CFHR2: variants seen among roughly 807,000 people sequenced by gnomAD.
CFHR2 encodes complement factor H related 2.
Under a neutral mutation model 21.7 loss-of-function variants are expected in CFHR2, and 22 were observed. The observed-to-expected ratio is 1.01, with a 90% CI of 0.72 to 1.45. The LOEUF (loss-of-function observed/expected upper bound fraction) is 1.45, where lower values mean the gene tolerates loss of function less well. CFHR2 is among the 40% of genes most tolerant of loss of function. CFHR2 has a pLI of 0.00. For synonymous variants in CFHR2, 98 were observed against 97.4 expected, an observed-to-expected ratio of 1.01 and a Z score of -0.04; for missense variants, 294 against 293.3, an observed-to-expected ratio of 1.00 and a Z score of -0.02.
At chr1:196,954,653 CA>C (rs1212388830) in intron 3 of CFHR2, among the ~76,000 whole-genome samples, 2 of 149,788 alleles carry the variant, frequency 1.3e-5, no homozygotes, top group African/African-American at 2.5e-5. Context: ...CTCAGAAATC[CA>C]GGAAGAGGTT....
rs762258495 is a variant in CFHR2 at position 196,949,453 on chromosome 1, A to T, written c.59-2A>T. ...TTCTTCAGTTTTGTGTTATTTTCCC[A>T]GCAATGTTCTGTGATTTTCCAAAAA... On this transcript the variant is annotated splice_acceptor_variant, in intron 1 of 4. Coordinates refer to ENST00000367415, the MANE Select transcript of CFHR2 (RefSeq NM_005666.4). LOFTEE classifies it high-confidence loss of function. 8 of 1,609,836 alleles carry T rather than the reference A, an allele frequency of 5.0e-6. No individual in the cohort carries two copies. The highest frequency in any genetic ancestry group is 4.5e-5 in the East Asian group (2 of 44,826).
At chr1:196,944,913 G>C (rs1253798080) in intron 1 of CFHR2, among the ~76,000 whole-genome samples, 3 of 148,088 alleles carry the variant, frequency 2.0e-5, no homozygotes, top group Non-Finnish European at 4.5e-5. Flanking sequence ...TTTCACTCTT[G>C]TTTCCCAGGC....
chr1:196,948,253 C>T (rs1471714536), intron 1 of CFHR2, among the ~76,000 whole-genome samples: 1 of 151,782 alleles, frequency 6.6e-6, no homozygotes, highest in African/African-American at 2.4e-5. Context: ...TGTGTATATC[C>T]TCCCAAACAA....
intron 3 of CFHR2, among the ~76,000 whole-genome samples, chr1:196,957,447 C>T (rs1652933373): frequency 6.7e-6 from 1 of 148,930 alleles, no homozygotes; most frequent in Non-Finnish European, 1.5e-5. Context: ...AAGAATCCAG[C>T]AATTCCCTTT....
chr1:196,949,380 A>T, intron 1 of CFHR2, 75 bp from the exon 2 acceptor site: 1 of 1,391,880 alleles, frequency 7.2e-7, no homozygotes, highest in African/African-American at 1.5e-5. Flanking sequence ...ACTAAATGAG[A>T]TGATTAAAAT....
chr1:196,959,041 GA>G lies in CFHR2; in HGVS notation c.776del (p.Asn259MetfsTer27). ...CTCATTCATTTCGAGCAATGTGTCAGAATGGGAAACTGGTATATCCCAGTTG... is the reference window on the plus strand; with the variant it reads ...CTCATTCATTTCGAGCAATGTGTCAGATGGGAAACTGGTATATCCCAGTTG... ...KSHSFRAMCQ[N>X]GKLVYPSCEE... On this transcript the variant is annotated frameshift_variant, in exon 5 of 5. Coordinates refer to ENST00000367415, the MANE Select transcript of CFHR2 (RefSeq NM_005666.4). LOFTEE classifies it low-confidence loss of function (END_TRUNC). 2 of 1,612,238 alleles carry G rather than the reference GA, an allele frequency of 1.2e-6. No individual in the cohort carries two copies. The highest frequency in any genetic ancestry group is 1.7e-6 in the Non-Finnish European group (2 of 1,178,944).
rs757614246 is a variant in CFHR2, at chr1:196,950,877, A to G, written c.279A>G (p.Glu93=). 12 of 1,613,728 alleles carry G rather than the reference A, an allele frequency of 7.4e-6. No individual in the cohort carries two copies. Among genetic ancestry groups the G allele is most frequent in the South Asian group, 6.6e-5 (6 of 91,058 alleles). The change falls in exon 3 of 5, where the codon GAA becomes GAG. Residue 93 remains glutamate, a synonymous_variant. Transcript: ENST00000367415. The part of the protein sequence containing the change: ...CLRLCFFPFV[E]NGHSESSGQT... ...GACTGTGTTTCTTTCCTTTTGTGGA[A>G]AATGGTCATTCTGAATCTTCAGGAC...
In CFHR2 at chr1:196,956,651, G is replaced by T. The variant is rs192369758; in HGVS notation, c.431-1240G>T. ...CAGTGTGTTATTAAGCCTATCCAGA[G>T]GATTTTTTTAATTATTGTTTTACTA... On this transcript the variant is annotated intron_variant, in intron 3 of 4. Coordinates refer to ENST00000367415, the MANE Select transcript of CFHR2 (RefSeq NM_005666.4). Among the ~76,000 whole-genome samples the T allele has an allele frequency of 2.0e-5, 3 of 152,006 alleles. No individual in the cohort carries two copies. In the East Asian group the frequency reaches 5.8e-4, roughly 29 times the overall value.
intron 4 of CFHR2, among the ~76,000 whole-genome samples, chr1:196,958,413 T>A (rs1558273790): frequency 2.0e-5 from 3 of 151,822 alleles, no homozygotes; most frequent in African/African-American, 7.3e-5. Context: ...TGTGTGTGTG[T>A]GTGAGAGAGA....
chr1:196,944,938 G>A (rs539447214), intron 1 of CFHR2, among the ~76,000 whole-genome samples: 3 of 149,426 alleles, frequency 2.0e-5, no homozygotes, highest in Non-Finnish European at 3.0e-5. Context: ...GTGCAATGGT[G>A]TGATTTCGGC....
At chr1:196,950,284 A>G (rs1005293966) in intron 2 of CFHR2, among the ~76,000 whole-genome samples, 1 of 152,226 alleles carries the variant, frequency 6.6e-6, no homozygotes, top group Non-Finnish European at 1.5e-5. Context: ...GTTGATAAAC[A>G]TAAAATATTT....
In CFHR2 at chr1:196,944,991, G is replaced by A. The variant is rs1363477380; in HGVS notation, c.58+1053G>A. ...TCCTGGGTTCAAGCAATTCTCCTGC[G>A]TCAGCCTCCCAAGTGGCTAGGATTA... is the stretch of plus-strand genomic sequence containing the variant. On this transcript the variant is annotated intron_variant, in intron 1 of 4. Transcript: ENST00000367415. 6.7e-5 allele frequency among the ~76,000 whole-genome samples: 10 copies of A among 148,566 alleles called. No homozygotes were observed. The East Asian group carries it at 1.2e-3, about 17-fold the overall frequency.
chr1:196,950,720 A>G lies in CFHR2; in HGVS notation c.254-132A>G, dbSNP rs140057906. ...ACTCATGGCCTCAAATGATCCACTC[A>G]CCTCAGCCTCCCAAAGTGCAGGGAT... On this transcript the variant is annotated intron_variant, in intron 2 of 4. Transcript: ENST00000367415. 1,587 of 972,316 alleles carry G rather than the reference A, an allele frequency of 1.6e-3. 18 individuals carry two copies. In the African/African-American group the frequency reaches 0.023, roughly 14 times the overall value. 60.2% of individuals were successfully genotyped at this position (972,316 alleles called of 1,614,324 possible).
rs773518192 is a variant in CFHR2, at chr1:196,949,643, T to C, written c.247T>C (p.Cys83Arg). 38 of 1,613,682 alleles carry C rather than the reference T, an allele frequency of 2.4e-5. No homozygotes were observed. Among genetic ancestry groups the C allele is most frequent in the South Asian group, 7.7e-5 (7 of 91,090 alleles). ...AEEGWSPTPK[C>R]LRLCFFPFVE... ...AGAAGGATGGTCACCAACACCAAAG[T>C]GTCTCAGTGAGTAAATGCCCTGTTC... The change falls in exon 2 of 5, where the codon TGT becomes CGT. Residue 83 changes from cysteine to arginine, a missense_variant. Physicochemically the swap from Cys to Arg is radical, Grantham distance 180 (BLOSUM62 -3). Coordinates refer to ENST00000367415, the MANE Select transcript of CFHR2 (RefSeq NM_005666.4).
chr1:196,951,751 A>G (rs1209709700), intron 3 of CFHR2, among the ~76,000 whole-genome samples: 4 of 152,152 alleles, frequency 2.6e-5, no homozygotes, highest in African/African-American at 7.2e-5. Flanking sequence ...TACTATGCCC[A>G]GTAACTTCTG....
At chr1:196,956,679 TG>T (rs1327811137) in intron 3 of CFHR2, among the ~76,000 whole-genome samples, 1 of 152,194 alleles carries the variant, frequency 6.6e-6, no homozygotes, top group Non-Finnish European at 1.5e-5. Context: ...TTTTACTATT[TG>T]GGTTTATAAT....
intron 1 of CFHR2, among the ~76,000 whole-genome samples, chr1:196,945,984 A>G (rs1659468559): frequency 6.6e-6 from 1 of 151,968 alleles, no homozygotes; most frequent in Middle Eastern, 3.4e-3. Context: ...CCTGTACAGC[A>G]TGTTACTGTA....
chr1:196,946,998 G>T (rs1158355495), intron 1 of CFHR2, among the ~76,000 whole-genome samples: 1 of 152,114 alleles, frequency 6.6e-6, no homozygotes, highest in Non-Finnish European at 1.5e-5. Context: ...ACACTGCTAT[G>T]TTATGATGGC....
intron 3 of CFHR2, among the ~76,000 whole-genome samples, chr1:196,955,234 C>T (rs1652819946): frequency 1.3e-5 from 2 of 152,160 alleles, no homozygotes; most frequent in African/African-American, 4.8e-5. Context: ...TACAGCATAG[C>T]AAGAGTGACC....
Sources: allele counts gnomAD v4.1 joint callset (sites outside exome capture counted in the v4.1 genomes callset), GRCh38; gene constraint gnomAD v4.1.1; transcripts MANE v1.5; gene names NCBI Gene and HGNC (gene_info 2026-07-23, HGNC 2026-07-21).